The following NFAT5 variants were observed in gnomAD, a reference collection of about 807,000 sequenced individuals.
The protein encoded by NFAT5 is nuclear factor of activated T-cells 5.
Under a neutral mutation model 166.5 loss-of-function variants are expected in NFAT5, and 31 were observed. That is an observed-to-expected ratio of 0.19 (90% CI 0.14 to 0.25). The LOEUF (loss-of-function observed/expected upper bound fraction) is 0.25. Ranked by LOEUF, NFAT5 falls within the 10% of genes least tolerant of loss-of-function variation. The pLI, the probability that NFAT5 is intolerant of heterozygous loss-of-function variation, is 1.00. For synonymous variants in NFAT5, 612 were observed against 639.7 expected, an observed-to-expected ratio of 0.96 and a Z score of 0.65; for missense variants, 1,449 against 1,821.8, an observed-to-expected ratio of 0.80 and a Z score of 3.72.
rs975886400 is a variant in NFAT5, at chr16:69,666,817, A to C, written c.1370-3160A>C. On this transcript the variant is annotated intron_variant, in intron 7 of 14. Coordinates refer to ENST00000349945, the MANE Select transcript of NFAT5 (RefSeq NM_138713.4). ...TACCATTTGACCCAGCCATCCCATT[A>C]CTGGGTATATACCCAAAGGACTATA... Among the ~76,000 whole-genome samples the C allele has an allele frequency of 9.9e-5, 15 of 152,146 alleles. 1 individual carries two copies. Among genetic ancestry groups the C allele is most frequent in the African/African-American group, 3.6e-4 (15 of 41,500 alleles).
chr16:69,636,435 G>A (rs147164303), intron 3 of NFAT5, among the ~76,000 whole-genome samples: 16 of 152,276 alleles, frequency 1.1e-4, no homozygotes, highest in Admixed American at 5.9e-4. Flanking sequence ...TCTGTGTGGG[G>A]TCTCCAACCC....
At chr16:69,661,567 A>AAAAAAAG (rs2036145305) in intron 7 of NFAT5, among the ~76,000 whole-genome samples, 1 of 145,562 alleles carries the variant, frequency 6.9e-6, no homozygotes, top group East Asian at 2.0e-4. Flanking sequence ...AAAAAAAAAA[A>AAAAAAAG]GGAAATTGTT....
Position 69,695,427 on chromosome 16 carries a change from C to A in NFAT5, c.*8+48C>A, listed in dbSNP as rs2037730158. ...TTATTGAAAAGCATCAGATTTTATT[C>A]TTCTTAACAGATTTAGGTTAAGTAA... On this transcript the variant is annotated intron_variant, in intron 14 of 14. Transcript: ENST00000349945. 4 of 1,331,364 alleles carry A rather than the reference C, an allele frequency of 3.0e-6. No individual in the cohort carries two copies. The African/African-American group carries it at 4.3e-5, about 14-fold the overall frequency. The allele number at this position is 1,331,364 out of a possible 1,614,324, so 82.5% of individuals were successfully genotyped here. A position where few individuals can be genotyped will look rare whatever the true frequency, so the allele number is the denominator to read the frequency against.
At chr16:69,603,720 C>G (rs1333442003) in intron 2 of NFAT5, among the ~76,000 whole-genome samples, 2 of 152,158 alleles carry the variant, frequency 1.3e-5, no homozygotes, top group Non-Finnish European at 2.9e-5. Context: ...CCACTGCACT[C>G]TAGCCTGGGT....
intron 2 of NFAT5, among the ~76,000 whole-genome samples, chr16:69,570,158 G>A (rs1373026535): frequency 2.6e-5 from 4 of 152,176 alleles, no homozygotes; most frequent in South Asian, 2.1e-4. Flanking sequence ...AAATACTTTC[G>A]TTAATTTTTC....
intron 10 of NFAT5, among the ~76,000 whole-genome samples, chr16:69,678,999 TC>T (rs1356545041): frequency 6.6e-6 from 1 of 152,178 alleles, no homozygotes; most frequent in Non-Finnish European, 1.5e-5. Flanking sequence ...AGTAGCGTGA[TC>T]CTGGGTCATT....
In NFAT5 at chr16:69,691,069, G is replaced by C. The variant is rs2151716663; in HGVS notation, c.1904G>C (p.Arg635Thr). 2 of 1,598,368 alleles carry C rather than the reference G, an allele frequency of 1.3e-6. No homozygotes were observed. The highest frequency in any genetic ancestry group is 1.7e-6 in the Non-Finnish European group (2 of 1,174,050). The change falls in exon 12 of 15, where the codon AGA (arginine) becomes ACA (threonine). Residue 635 changes from arginine to threonine, a missense_variant. Around this residue, in one of 7 missense-constraint regions of NFAT5, gnomAD observed 245 missense variants for 366.6 expected, o/e 0.67. Transcript: ENST00000349945. ...VTPMEVTAEK[R>T]SSTIFKTTKS... ...CCAATGGAAGTAACAGCAGAAAAAA[G>C]ATCTTCCACTATTTTTAAGGTAAGC... is the stretch of plus-strand genomic sequence containing the variant.
intron 2 of NFAT5, among the ~76,000 whole-genome samples, chr16:69,599,226 T>G (rs2032991067): frequency 6.6e-6 from 1 of 151,060 alleles, no homozygotes; most frequent in African/African-American, 2.4e-5. Context: ...CTAAAAACAC[T>G]GAATCATGCA....
In NFAT5 at chr16:69,684,971, G is replaced by A; in HGVS notation, c.1774+1G>A. The A allele has an allele frequency of 6.2e-7, 1 of 1,603,066 alleles. No homozygotes were observed. The highest frequency in any genetic ancestry group is 8.5e-7 in the Non-Finnish European group (1 of 1,174,008). ...TGCTCTTTTGAAGAGGCCATGAAAG[G>A]TACCAAGTAAATTCTTCTCAAAAAT... On this transcript the variant is annotated splice_donor_variant, in intron 11 of 14. Coordinates refer to ENST00000349945, the MANE Select transcript of NFAT5 (RefSeq NM_138713.4). LOFTEE classifies it high-confidence loss of function.
At chr16:69,604,180 G>A (rs1031703050) in intron 2 of NFAT5, among the ~76,000 whole-genome samples, 1 of 152,104 alleles carries the variant, frequency 6.6e-6, no homozygotes, top group African/African-American at 2.4e-5. Flanking sequence ...TTTAAATGGA[G>A]GCAATTTGGT....
At chr16:69,611,302 A>G (rs1454512579) in intron 2 of NFAT5, among the ~76,000 whole-genome samples, 1 of 152,216 alleles carries the variant, frequency 6.6e-6, no homozygotes, top group African/African-American at 2.4e-5. Context: ...AGCACTCAGC[A>G]AAATTCTGTT....
intron 3 of NFAT5, among the ~76,000 whole-genome samples, chr16:69,643,886 C>T (rs2035324372): frequency 6.6e-6 from 1 of 152,088 alleles, no homozygotes. Context: ...CCTCACATGG[C>T]ATTATTAATT....
rs541310121 is a variant in NFAT5 at position 69,701,674 on chromosome 16, A to C, written c.*5323A>C. 1 of 152,382 alleles carries C rather than the reference A, an allele frequency of 6.6e-6. No individual in the cohort carries two copies. The highest frequency in any genetic ancestry group is 1.9e-4 in the East Asian group (1 of 5,186). The allele number at this position is 152,382 out of a possible 1,614,324, so 9.4% of individuals were successfully genotyped here. A position where few individuals can be genotyped will look rare whatever the true frequency, so the allele number is the denominator to read the frequency against. ...ACTCATGAGAATTTTAGCATCTGTG[A>C]AACTCCATGCACCAGATGTGTGTAA... is the stretch of plus-strand genomic sequence containing the variant. On this transcript the variant is annotated 3_prime_UTR_variant, in exon 15 of 15. Coordinates refer to ENST00000349945, the MANE Select transcript of NFAT5 (RefSeq NM_138713.4).
intron 2 of NFAT5, among the ~76,000 whole-genome samples, chr16:69,624,734 T>C (rs2034370083): frequency 6.6e-6 from 1 of 152,154 alleles, no homozygotes; most frequent in Non-Finnish European, 1.5e-5. Flanking sequence ...GGATAAAATG[T>C]CTTATGGTGC....
At chr16:69,641,797 C>A (rs1170637112) in intron 3 of NFAT5, among the ~76,000 whole-genome samples, 1 of 152,030 alleles carries the variant, frequency 6.6e-6, no homozygotes, top group Non-Finnish European at 1.5e-5. Flanking sequence ...TAAATGGTAT[C>A]GTTTAAAATC....
At chr16:69,635,023 G>GTTTTTTTTTTTTTTTTTTTTTTTT (rs530661389) in intron 3 of NFAT5, among the ~76,000 whole-genome samples, 2 of 105,268 alleles carry the variant, frequency 1.9e-5, no homozygotes, top group African/African-American at 3.8e-5. Flanking sequence ...TGTTAGTAAA[G>GTTTTTTTTTTTTTTTTTTTTTTTT]TTTTTTTTTT....
chr16:69,682,186 ATT>A lies in NFAT5; in HGVS notation c.1691-2686_1691-2685del, dbSNP rs71673029. 4.7e-3 allele frequency among the ~76,000 whole-genome samples: 679 copies of A among 145,930 alleles called. 3 individuals are homozygous for A. The highest frequency in any genetic ancestry group is 0.013 in the African/African-American group (514 of 39,886). Reference sequence around the variant, plus strand: ...TTTGCTTAGCCATTAAAACATTTTAATTTTTTTTTTTTTTTTACTTCAGCCTA... The same window carrying A: ...TTTGCTTAGCCATTAAAACATTTTAATTTTTTTTTTTTTTACTTCAGCCTA... On this transcript the variant is annotated intron_variant, in intron 10 of 14. Coordinates refer to ENST00000349945, the MANE Select transcript of NFAT5 (RefSeq NM_138713.4).
In NFAT5 at chr16:69,653,231, C is replaced by A; in HGVS notation, c.813-5C>A. On this transcript the variant is annotated splice_polypyrimidine_tract_variant and splice_region_variant and intron_variant, in intron 4 of 14. Transcript: ENST00000349945. ...CTTTCTCCATGTTGTGCTTTGATTTCTCAGAACATTGGAAAACCAAAAAGG... is the reference window on the plus strand; with the variant it reads ...CTTTCTCCATGTTGTGCTTTGATTTATCAGAACATTGGAAAACCAAAAAGG... 1 of 1,541,458 alleles carries A rather than the reference C, an allele frequency of 6.5e-7. No individual in the cohort carries two copies. The highest frequency in any genetic ancestry group is 2.5e-5 in the East Asian group (1 of 40,312).
chr16:69,670,517 T>C (rs1026139280), intron 9 of NFAT5, among the ~76,000 whole-genome samples: 2 of 152,258 alleles, frequency 1.3e-5, no homozygotes, highest in African/African-American at 4.8e-5. Context: ...AATGTTTCCA[T>C]TGTTAATAAA....
Sources: allele counts gnomAD v4.1 joint callset (sites outside exome capture counted in the v4.1 genomes callset), GRCh38; gene constraint gnomAD v4.1.1; regional missense constraint gnomAD v4.1.1; transcripts MANE v1.5; gene names NCBI Gene and HGNC (gene_info 2026-07-23, HGNC 2026-07-21).